Variants in FSTL5 observed in about 807,000 individuals in gnomAD.
The protein encoded by FSTL5 is follistatin-related protein 5.
A neutral mutation model predicts 89.1 loss-of-function variants in FSTL5; 62 were observed. That is an observed-to-expected ratio of 0.70 (90% CI 0.57 to 0.86). FSTL5 has a LOEUF of 0.86. Ranked by LOEUF, FSTL5 falls within the 40% of genes least tolerant of loss-of-function variation. The pLI is 0.00. For synonymous variants in FSTL5, 383 were observed against 346.2 expected, an observed-to-expected ratio of 1.11 and a Z score of -1.18; for missense variants, 1,057 against 1,001.6, an observed-to-expected ratio of 1.06 and a Z score of -0.75.
intron 7 of FSTL5, among the ~76,000 whole-genome samples, chr4:161,650,331 C>T (rs1736292909): frequency 6.6e-6 from 1 of 151,958 alleles, no homozygotes; most frequent in Non-Finnish European, 1.5e-5. Flanking sequence ...AAATAAAGTG[C>T]CAAACTTACC....
At chr4:161,970,002 C>G (rs1398271961) in intron 3 of FSTL5, among the ~76,000 whole-genome samples, 1 of 151,864 alleles carries the variant, frequency 6.6e-6, no homozygotes, top group Non-Finnish European at 1.5e-5. Context: ...AGGACCAGAC[C>G]CTTGTGTTCT....
chr4:161,613,978 A>T (rs1269944789), intron 7 of FSTL5, among the ~76,000 whole-genome samples: 1 of 152,188 alleles, frequency 6.6e-6, no homozygotes, highest in East Asian at 1.9e-4. Context: ...TTACATTTCC[A>T]AATACATTTT....
intron 1 of FSTL5, among the ~76,000 whole-genome samples, chr4:162,140,808 A>G (rs181977006): frequency 6.0e-4 from 92 of 152,302 alleles, no homozygotes; most frequent in African/African-American, 2.1e-3. Flanking sequence ...GTTAACCTTA[A>G]AGAATTGCTG....
chr4:162,153,004 A>G (rs922881560), intron 1 of FSTL5, among the ~76,000 whole-genome samples: 1 of 152,102 alleles, frequency 6.6e-6, no homozygotes, highest in African/African-American at 2.4e-5. Context: ...TTTGCCAACA[A>G]TTTGTCATTT....
chr4:162,026,660 G>A (rs1244336585), intron 3 of FSTL5, among the ~76,000 whole-genome samples: 2 of 151,982 alleles, frequency 1.3e-5, no homozygotes, highest in African/African-American at 4.8e-5. Context: ...CTAGAATCAA[G>A]AAATCTTGTT....
intron 4 of FSTL5, among the ~76,000 whole-genome samples, chr4:161,854,847 A>G (rs980484365): frequency 2.6e-5 from 4 of 152,102 alleles, no homozygotes; most frequent in Non-Finnish European, 5.9e-5. Flanking sequence ...AGATATTCAT[A>G]CAAATATATT....
At chr4:161,567,066 A>C (rs1196858043) in intron 8 of FSTL5, among the ~76,000 whole-genome samples, 1 of 152,136 alleles carries the variant, frequency 6.6e-6, no homozygotes, top group Non-Finnish European at 1.5e-5. Flanking sequence ...AAGACTAATT[A>C]GATAATTCCA....
intron 15 of FSTL5, among the ~76,000 whole-genome samples, chr4:161,400,180 G>T (rs1436611966): frequency 6.6e-6 from 1 of 152,030 alleles, no homozygotes. Context: ...CAGTGAACCT[G>T]TGGAGTTCAA....
chr4:162,023,036 T>C (rs954602110), intron 3 of FSTL5: 3 of 152,082 alleles, frequency 2.0e-5, no homozygotes, highest in African/African-American at 7.2e-5. Flanking sequence ...CACTATGAAA[T>C]CTGTGCCTGT....
chr4:161,619,893 T>G (rs1269536504), intron 7 of FSTL5, among the ~76,000 whole-genome samples: 1 of 152,004 alleles, frequency 6.6e-6, no homozygotes, highest in Admixed American at 6.6e-5. Context: ...TGCACACGTA[T>G]GTTTATTGCG....
At chr4:161,868,283 T>A (rs1198296576) in intron 4 of FSTL5, among the ~76,000 whole-genome samples, 2 of 152,206 alleles carry the variant, frequency 1.3e-5, no homozygotes, top group Non-Finnish European at 2.9e-5. Flanking sequence ...CCTCTTTTTA[T>A]TTTTTCCTGG....
intron 3 of FSTL5, among the ~76,000 whole-genome samples, chr4:161,946,879 A>G (rs1488857466): frequency 6.6e-6 from 1 of 152,112 alleles, no homozygotes; most frequent in Non-Finnish European, 1.5e-5. Flanking sequence ...CACCTGTTAA[A>G]TCTTAGACTT....
chr4:161,900,373 C>T (rs1419889758), intron 4 of FSTL5, among the ~76,000 whole-genome samples: 1 of 151,794 alleles, frequency 6.6e-6, no homozygotes, highest in African/African-American at 2.4e-5. Context: ...AGAACAGAAA[C>T]TTGTTAATAA....
chr4:161,508,003 T>G (rs114443948), intron 11 of FSTL5, among the ~76,000 whole-genome samples: 1 of 151,944 alleles, frequency 6.6e-6, no homozygotes, highest in African/African-American at 2.4e-5. Context: ...TATAAAACAC[T>G]GCTAGAATGA....
chr4:161,531,320 T>C (rs1055556547), intron 10 of FSTL5, among the ~76,000 whole-genome samples: 1 of 152,170 alleles, frequency 6.6e-6, no homozygotes, highest in African/African-American at 2.4e-5. Flanking sequence ...TTCTGGCAAA[T>C]GTAGTGTAGG....
intron 4 of FSTL5, among the ~76,000 whole-genome samples, chr4:161,826,473 G>A (rs913343371): frequency 6.6e-5 from 10 of 151,930 alleles, no homozygotes; most frequent in East Asian, 1.9e-4. Context: ...GTTTACTGCC[G>A]TCAGTGAAGT....
intron 12 of FSTL5, among the ~76,000 whole-genome samples, chr4:161,492,628 G>C (rs1158271976): frequency 6.6e-6 from 1 of 152,092 alleles, no homozygotes; most frequent in Middle Eastern, 3.4e-3. Context: ...CCACTAATTT[G>C]CCAAACAACC....
intron 10 of FSTL5, among the ~76,000 whole-genome samples, chr4:161,527,755 G>A (rs1055493516): frequency 2.0e-5 from 3 of 151,614 alleles, no homozygotes; most frequent in Non-Finnish European, 2.9e-5. Context: ...CAGGGATCTA[G>A]AACTAGAAAT....
intron 4 of FSTL5, among the ~76,000 whole-genome samples, chr4:161,830,105 T>A (rs971898925): frequency 3.3e-5 from 5 of 152,072 alleles, no homozygotes; most frequent in Non-Finnish European, 5.9e-5. Context: ...GGGATTTTTG[T>A]TAGGTAAATA....
Sources: allele counts gnomAD v4.1 joint callset (sites outside exome capture counted in the v4.1 genomes callset), GRCh38; gene constraint gnomAD v4.1.1; transcripts MANE v1.5; gene names NCBI Gene and HGNC (gene_info 2026-07-23, HGNC 2026-07-21).